OCA2: variants seen among roughly 807,000 people sequenced by gnomAD.
OCA2 encodes the protein P protein.
OCA2 carries 77 observed loss-of-function variants against 100.2 expected under a neutral mutation model. The observed-to-expected ratio is 0.77, with a 90% CI of 0.64 to 0.93. The LOEUF (loss-of-function observed/expected upper bound fraction) is 0.93. Ranked by LOEUF, OCA2 falls within the 40% of genes least tolerant of loss-of-function variation. The probability of loss-of-function intolerance (pLI) is 0.00; values close to 1 mark genes in which losing one functional copy is unlikely to be tolerated. For synonymous variants in OCA2, 432 were observed against 439.2 expected (o/e 0.98, Z 0.21); for missense variants, 1,062 against 1,089.1 (o/e 0.98, Z 0.35).
At chr15:27,843,129 C>T (rs530497584) in intron 23 of OCA2, among the ~76,000 whole-genome samples, 3 of 152,290 alleles carry the variant, frequency 2.0e-5, no homozygotes, top group African/African-American at 7.2e-5. Context: ...ATGCTTTTTG[C>T]TCTCTGAAAT....
chr15:27,829,520 G>A (rs554400401), intron 23 of OCA2, among the ~76,000 whole-genome samples: 1 of 152,302 alleles, frequency 6.6e-6, no homozygotes, highest in African/African-American at 2.4e-5. Context: ...TGTAGCACTA[G>A]ATATGCAGTG....
rs1064796956 is a variant in OCA2, at chr15:27,851,380, A to C, written c.2338+2T>G. On this transcript the variant is annotated splice_donor_variant, in intron 22 of 23. Coordinates refer to ENST00000354638, the MANE Select transcript of OCA2 (RefSeq NM_000275.3). LOFTEE classifies it high-confidence loss of function. ...ACCCCCATGCAGTCAGCAGCCCCTT[A>C]CCTCCCAGGCAAGCACCGAAGGCCA... 6.2e-7 allele frequency: 1 copy of C among 1,613,134 alleles called. No individual in the cohort carries two copies. The highest frequency in any genetic ancestry group is 8.5e-7 in the Non-Finnish European group (1 of 1,179,588).
rs553779896 is a variant in OCA2 at position 28,013,562 on chromosome 15, C to T, written c.1044+1214G>A. Among the ~76,000 whole-genome samples, 9 of 152,284 alleles carry T rather than the reference C, an allele frequency of 5.9e-5. No individual in the cohort carries two copies. In the East Asian group the frequency reaches 1.5e-3, roughly 26 times the overall value. ...AAGCTGAGGGTGACCATCTAACCGGCCTCCACAAAAACTCAGTCTCCAACA... is the reference window on the plus strand; with the variant it reads ...AAGCTGAGGGTGACCATCTAACCGGTCTCCACAAAAACTCAGTCTCCAACA... On this transcript the variant is annotated intron_variant, in intron 9 of 23. Coordinates refer to ENST00000354638, the MANE Select transcript of OCA2 (RefSeq NM_000275.3).
chr15:27,937,751 T>A (rs2039508099), intron 18 of OCA2, among the ~76,000 whole-genome samples: 1 of 152,180 alleles, frequency 6.6e-6, no homozygotes, highest in African/African-American at 2.4e-5. Flanking sequence ...ATTTTTCTAT[T>A]GGGGGGTTCT....
At chr15:27,810,125 C>G (rs1404628267) in intron 23 of OCA2, among the ~76,000 whole-genome samples, 1 of 152,280 alleles carries the variant, frequency 6.6e-6, no homozygotes, top group Middle Eastern at 3.4e-3. Context: ...AGTCATGCTA[C>G]AAGGCTATAG....
intron 4 of OCA2, among the ~76,000 whole-genome samples, chr15:28,026,572 C>G (rs1047308373): frequency 1.3e-5 from 2 of 152,184 alleles, no homozygotes; most frequent in East Asian, 3.9e-4. Flanking sequence ...TGTCAAGCAG[C>G]GATGTGGGGG....
intron 2 of OCA2, among the ~76,000 whole-genome samples, chr15:28,042,781 T>C (rs2043243574): frequency 6.6e-6 from 1 of 152,180 alleles, no homozygotes; most frequent in Non-Finnish European, 1.5e-5. Flanking sequence ...CTGTATATTA[T>C]ATATTAATAG....
chr15:27,760,033 A>C (rs536234175), intron 23 of OCA2, among the ~76,000 whole-genome samples: 1 of 152,276 alleles, frequency 6.6e-6, no homozygotes, highest in South Asian at 2.1e-4. Context: ...AATCAAACTA[A>C]TTTTGATTTC....
chr15:28,081,809 C>G lies in OCA2; in HGVS notation c.66G>C (p.Thr22=), dbSNP rs1430442346. 6.2e-7 allele frequency: 1 copy of G among 1,612,476 alleles called. No homozygotes were observed. The highest frequency in any genetic ancestry group is 1.3e-5 in the African/African-American group (1 of 75,050). ...GTTCAGCGAGTCCGCTGGGCACGGACGTCTGCAGGAGCTCCACCGCCGGCG... is the reference window on the plus strand; with the variant it reads ...GTTCAGCGAGTCCGCTGGGCACGGAGGTCTGCAGGAGCTCCACCGCCGGCG... ...PGAPAVELLQ[T]SVPSGLAELV... Residue 22 remains threonine, a synonymous_variant, in exon 2 of 24, where the codon ACG becomes ACC. Coordinates refer to ENST00000354638, the MANE Select transcript of OCA2 (RefSeq NM_000275.3).
chr15:28,014,509 G>A (rs577503933), intron 9 of OCA2, among the ~76,000 whole-genome samples: 1 of 152,212 alleles, frequency 6.6e-6, no homozygotes, highest in East Asian at 1.9e-4. Context: ...CGGAGAGAGA[G>A]TAGAAAATCG....
chr15:28,033,119 G>A lies in OCA2; in HGVS notation c.228-956C>T, dbSNP rs891245140. ...TGTATCATTTAAATCAGGAGCTTGT[G>A]GAAAAGGAAGTAACTGCACAACCAC... is the stretch of plus-strand genomic sequence containing the variant. On this transcript the variant is annotated intron_variant, in intron 2 of 23. Transcript: ENST00000354638. Among the ~76,000 whole-genome samples, 4 of 152,180 alleles carry A rather than the reference G, an allele frequency of 2.6e-5. 1 individual carries two copies. Among genetic ancestry groups the A allele is most frequent in the Non-Finnish European group, 5.9e-5 (4 of 68,036 alleles).
rs542672777 is a variant in OCA2, at chr15:27,960,626, A to G, written c.1637-2891T>C. On this transcript the variant is annotated intron_variant, in intron 15 of 23. Coordinates refer to ENST00000354638, the MANE Select transcript of OCA2 (RefSeq NM_000275.3). ...TATCTATCTATCTATCTATGTATCT[A>G]TGTATCTATCTCCCGCCTGTAATCC... Among the ~76,000 whole-genome samples, 125 of 152,196 alleles carry G rather than the reference A, an allele frequency of 8.2e-4. 1 individual carries two copies. Among genetic ancestry groups the G allele is most frequent in the African/African-American group, 3.0e-3 (123 of 41,522 alleles).
chr15:27,851,466 G>T lies in OCA2; in HGVS notation c.2254C>A (p.Leu752Ile). 6.2e-7 allele frequency: 1 copy of T among 1,613,290 alleles called. No individual in the cohort carries two copies. Among genetic ancestry groups the T allele is most frequent in the South Asian group, 1.1e-5 (1 of 90,802 alleles). The change falls in exon 22 of 24, where the codon CTC becomes ATC. Residue 752 changes from leucine to isoleucine, a missense_variant. Physicochemically the swap from Leu to Ile is conservative, Grantham distance 5. Coordinates refer to ENST00000354638, the MANE Select transcript of OCA2 (RefSeq NM_000275.3). Reference sequence around the variant, plus strand: ...TCAGGGTCGTGGCTCAGGTTCAGGAGCACGGGAATCTGTGGAGGAAGAGGA... The same window carrying T: ...TCAGGGTCGTGGCTCAGGTTCAGGATCACGGGAATCTGTGGAGGAAGAGGA... ...IPFTATMIPVLLNLSHDPEVG... is the reference protein window; with the variant it reads ...IPFTATMIPVILNLSHDPEVG...
rs1327627369 is a variant in OCA2, at chr15:28,043,359, TA to T, written c.228-11197del. Among the ~76,000 whole-genome samples, 1 of 152,106 alleles carries T rather than the reference TA, an allele frequency of 6.6e-6. No individual in the cohort carries two copies. Among genetic ancestry groups the T allele is most frequent in the Admixed American group, 6.6e-5 (1 of 15,264 alleles). ...ACACAAGAAGTAGACATACCAGAAA[TA>T]AAGCCAAACATGCATGGCTGTTTCT... On this transcript the variant is annotated intron_variant, in intron 2 of 23. Coordinates refer to ENST00000354638, the MANE Select transcript of OCA2 (RefSeq NM_000275.3). The surrounding 1 kb of genome is among the most constrained non-coding windows in gnomAD (Gnocchi z 4.4).
chr15:28,026,459 T>C (rs1273503526), intron 4 of OCA2, among the ~76,000 whole-genome samples: 1 of 152,184 alleles, frequency 6.6e-6, no homozygotes, highest in Non-Finnish European at 1.5e-5. Flanking sequence ...GCGGATTCAT[T>C]GGCCAAATGT....
At chr15:27,730,735 A>ATATT in the OCA2 span, among the ~76,000 whole-genome samples, 2 of 940 alleles carry the variant, frequency 2.1e-3, no homozygotes, top group African/African-American at 7.7e-3. Flanking sequence ...AAGACCAAAT[A>ATATT]TATATATATA....
chr15:27,996,998 G>GAAGAGAGA (rs905013309), intron 9 of OCA2, among the ~76,000 whole-genome samples: 1 of 133,646 alleles, frequency 7.5e-6, no homozygotes, highest in African/African-American at 2.7e-5. Context: ...CAAAAAAAAA[G>GAAGAGAGA]AAGAGAGAAA....
intron 23 of OCA2, among the ~76,000 whole-genome samples, chr15:27,813,885 ATT>A (rs1306294517): frequency 2.0e-5 from 3 of 152,000 alleles, no homozygotes; most frequent in Non-Finnish European, 4.4e-5. Context: ...AGAAAATTAC[ATT>A]TTTTCTTTTT....
chr15:27,910,934 C>G (rs2038370435), intron 19 of OCA2, among the ~76,000 whole-genome samples: 1 of 150,300 alleles, frequency 6.7e-6, no homozygotes, highest in Non-Finnish European at 1.5e-5. Flanking sequence ...CCAGCCTGGG[C>G]AACAGAGTGA....
Sources: gnomAD v4.1 joint callset for allele counts (sites outside exome capture counted in the v4.1 genomes callset) on GRCh38, gnomAD v4.1.1 for gene constraint, Gnocchi (gnomAD v3.1) non-coding constraint, MANE v1.5 for transcripts, NCBI Gene and HGNC (gene_info 2026-07-23, HGNC 2026-07-21) for gene names.